Variants in FRG1 observed in about 807,000 individuals in gnomAD.
FRG1 encodes the protein FSHD region gene 1.
In FRG1, 19 loss-of-function variants were observed where a neutral mutation model predicts 37.0. The observed-to-expected ratio is 0.51, with a 90% confidence interval of 0.36 to 0.75. The LOEUF (loss-of-function observed/expected upper bound fraction) is 0.75, where lower values mean the gene tolerates loss of function less well. Among genes scored for constraint, FRG1 ranks in the 30% least tolerant of loss-of-function variants. The probability of loss-of-function intolerance (pLI) is 0.00; values close to 1 mark genes in which losing one functional copy is unlikely to be tolerated. For missense variants in FRG1, 243 were observed against 301.4 expected (o/e 0.81, Z 1.44); for synonymous variants, 73 against 96.5 (o/e 0.76, Z 1.43).
chr4:189,957,977 T>A (rs931127073), intron 6 of FRG1, among the ~76,000 whole-genome samples: 1 of 152,110 alleles, frequency 6.6e-6, no homozygotes, highest in African/African-American at 2.4e-5. Flanking sequence ...TATAAACATA[T>A]GAATATGTTT....
At chr4:189,955,288 C>T in intron 5 of FRG1, 137 bp downstream of exon 5, 1 of 597,722 alleles carries the variant, frequency 1.7e-6, no homozygotes, top group Non-Finnish European at 3.0e-6. Flanking sequence ...TCAATAAGAA[C>T]ATAGAGCCTT....
At chr4:189,948,124 G>T (rs1490760587) in intron 2 of FRG1, among the ~76,000 whole-genome samples, 1 of 152,118 alleles carries the variant, frequency 6.6e-6, no homozygotes, top group African/African-American at 2.4e-5. Flanking sequence ...ACATGGTTTT[G>T]CATTGTGGAT....
chr4:189,942,664 A>G (rs1736365746), intron 1 of FRG1, among the ~76,000 whole-genome samples: 1 of 152,140 alleles, frequency 6.6e-6, no homozygotes, highest in South Asian at 2.1e-4. Flanking sequence ...TAGTGTGAAT[A>G]TTCTTATGTA....
In FRG1 at chr4:189,943,188, A is replaced by AT. The variant is rs776888800; in HGVS notation, c.63-12dup. ...AATATACCTAAACTCGTCTATATAA[A>AT]TTATGTCCTGTAGTAAGAAGAAAAA... On this transcript the variant is annotated splice_polypyrimidine_tract_variant and intron_variant, in intron 1 of 8. Coordinates refer to ENST00000226798, the MANE Select transcript of FRG1 (RefSeq NM_004477.3). 5 of 1,567,874 alleles carry AT rather than the reference A, an allele frequency of 3.2e-6. No individual in the cohort carries two copies. The East Asian group carries it at 1.1e-4, about 35-fold the overall frequency.
intron 7 of FRG1, chr4:189,961,301 G>A (rs1270001732): frequency 6.3e-6 from 1 of 158,744 alleles, no homozygotes; most frequent in African/African-American, 2.4e-5. Flanking sequence ...TGCCCTAATA[G>A]AAGTGGGGCC....
At chr4:189,961,778 A>G in intron 7 of FRG1, 44 bp from the exon 8 acceptor site, 1 of 787,106 alleles carries the variant, frequency 1.3e-6, no homozygotes, top group Non-Finnish European at 2.1e-6. Flanking sequence ...AATATGTATA[A>G]TCAGAGTTTG....
chr4:189,947,153 C>A (rs1462901493), intron 2 of FRG1, among the ~76,000 whole-genome samples: 1 of 152,220 alleles, frequency 6.6e-6, no homozygotes, highest in Non-Finnish European at 1.5e-5. Flanking sequence ...GTTCAGTGTT[C>A]TTTAGATGTC....
Position 189,940,949 on chromosome 4 carries a change from C to A in FRG1, c.-61C>A, listed in dbSNP as rs189426000. Reference sequence around the variant, plus strand: ...TGTTTCTCCGCGCCCCTGTGCTGCCCCGACTCACATACTCGTCCAGAACCG... The same window carrying A: ...TGTTTCTCCGCGCCCCTGTGCTGCCACGACTCACATACTCGTCCAGAACCG... On this transcript the variant is annotated 5_prime_UTR_variant, in exon 1 of 9. Transcript: ENST00000226798. 5 of 1,390,552 alleles carry A rather than the reference C, an allele frequency of 3.6e-6. No individual in the cohort carries two copies. The highest frequency in any genetic ancestry group is 5.1e-6 in the Non-Finnish European group (5 of 983,384). The allele number at this position is 1,390,552 out of a possible 1,614,324, so 86.1% of individuals were successfully genotyped here. A position where few individuals can be genotyped will look rare whatever the true frequency, so the allele number is the denominator to read the frequency against.
At chr4:189,941,234 G>A (rs966495167) in intron 1 of FRG1, among the ~76,000 whole-genome samples, 163 bp downstream of exon 1, 8 of 152,176 alleles carry the variant, frequency 5.3e-5, no homozygotes, top group African/African-American at 1.9e-4. Flanking sequence ...GCGGTTCCCG[G>A]CGTCTGTGCA....
At chr4:189,945,789 C>T (rs1315835021) in intron 2 of FRG1, among the ~76,000 whole-genome samples, 2 of 152,026 alleles carry the variant, frequency 1.3e-5, no homozygotes, top group Non-Finnish European at 2.9e-5. Flanking sequence ...ATGGAAAGTG[C>T]TGTCTCCTTT....
chr4:189,956,304 A>G (rs1052118696), intron 5 of FRG1, among the ~76,000 whole-genome samples: 3 of 152,004 alleles, frequency 2.0e-5, no homozygotes, highest in African/African-American at 4.8e-5. Context: ...AGATGATCCT[A>G]CTAGTTAGGA....
chr4:189,959,562 C>G (rs1213847463), intron 6 of FRG1, among the ~76,000 whole-genome samples: 1 of 152,154 alleles, frequency 6.6e-6, no homozygotes, highest in African/African-American at 2.4e-5. Context: ...TTGTGACTTA[C>G]ATTTAATTTT....
intron 6 of FRG1, 52 bp downstream of exon 6, chr4:189,957,554 G>C (rs2126819307): frequency 1.3e-6 from 2 of 1,523,138 alleles, no homozygotes; most frequent in African/African-American, 1.4e-5. Context: ...CGATGTGACT[G>C]TATCTCTTTA....
intron 6 of FRG1, among the ~76,000 whole-genome samples, chr4:189,958,892 C>G (rs1737104200): frequency 1.3e-5 from 2 of 152,208 alleles, no homozygotes; most frequent in African/African-American, 4.8e-5. Context: ...TCTTGGCATT[C>G]CATCTCAGTA....
At position 189,940,892 on chromosome 4, in the gene FRG1, C is replaced by T. The variant is rs536521683; in HGVS notation, c.-118C>T. 281 of 701,034 alleles carry T rather than the reference C, an allele frequency of 4.0e-4. 1 individual carries two copies. In the African/African-American group the frequency reaches 4.5e-3, roughly 11 times the overall value. The allele number at this position is 701,034 out of a possible 1,614,324, so 43.4% of individuals were successfully genotyped here. On this transcript the variant is annotated 5_prime_UTR_variant, in exon 1 of 9. Coordinates refer to ENST00000226798, the MANE Select transcript of FRG1 (RefSeq NM_004477.3). Reference sequence around the variant, plus strand: ...GAGGCGGGTTCTACAGAGACGTAGGCTGTCAGGGAGTGTTTATTTCGCGTC... The same window carrying T: ...GAGGCGGGTTCTACAGAGACGTAGGTTGTCAGGGAGTGTTTATTTCGCGTC...
rs1172244082 is a variant in FRG1, at chr4:189,940,886, C to T, written c.-124C>T. 1.2e-5 allele frequency: 8 copies of T among 681,966 alleles called. No homozygotes were observed. The highest frequency in any genetic ancestry group is 3.4e-4 in the Middle Eastern group (1 of 2,928). The allele number at this position is 681,966 out of a possible 1,614,324, so 42.2% of individuals were successfully genotyped here. On this transcript the variant is annotated 5_prime_UTR_variant, in exon 1 of 9. The change creates a new upstream start codon in the 5' untranslated region. Transcript: ENST00000226798. ...AAGACGGAGGCGGGTTCTACAGAGA[C>T]GTAGGCTGTCAGGGAGTGTTTATTT...
intron 2 of FRG1, among the ~76,000 whole-genome samples, chr4:189,946,341 T>C (rs1446803988): frequency 6.6e-6 from 1 of 150,706 alleles, no homozygotes; most frequent in Non-Finnish European, 1.5e-5. Flanking sequence ...AAAAATCTCA[T>C]AATATTTCAA....
intron 2 of FRG1, among the ~76,000 whole-genome samples, chr4:189,951,075 T>G (rs1158357354): frequency 1.3e-5 from 2 of 152,328 alleles, no homozygotes; most frequent in Middle Eastern, 6.8e-3. Context: ...CATTAAGATA[T>G]AAACTTTTAT....
chr4:189,942,627 C>T (rs1255057354), intron 1 of FRG1, among the ~76,000 whole-genome samples: 1 of 152,080 alleles, frequency 6.6e-6, no homozygotes, highest in Non-Finnish European at 1.5e-5. Flanking sequence ...TGGGTTGTTT[C>T]CCCTTTTTGG....
Sources: gnomAD v4.1 joint callset for allele counts (sites outside exome capture counted in the v4.1 genomes callset) on GRCh38, gnomAD v4.1.1 for gene constraint, MANE v1.5 for transcripts, NCBI Gene and HGNC (gene_info 2026-07-23, HGNC 2026-07-21) for gene names.